Variants in INVS observed in about 807,000 individuals in gnomAD.
INVS encodes the protein inversin, also known as inversion of embryo turning homolog.
INVS carries 86 observed loss-of-function variants against 108.8 expected under a neutral mutation model. The observed-to-expected ratio is 0.79, with a 90% CI of 0.66 to 0.95. INVS has a LOEUF of 0.95. Ranked by LOEUF, INVS falls within the 40% of genes least tolerant of loss-of-function variation. The probability of loss-of-function intolerance (pLI) is 0.00; values close to 1 mark genes in which losing one functional copy is unlikely to be tolerated. For missense variants in INVS, 1,169 were observed against 1,297.4 expected, an observed-to-expected ratio of 0.90 and a Z score of 1.52; for synonymous variants, 455 against 473.5, an observed-to-expected ratio of 0.96 and a Z score of 0.51.
chr9:100,202,480 G>A (rs1830560231), intron 3 of INVS, among the ~76,000 whole-genome samples: 1 of 152,166 alleles, frequency 6.6e-6, no homozygotes, highest in Non-Finnish European at 1.5e-5. Context: ...TTACAGAAGA[G>A]AATGATAGAG....
At chr9:100,221,589 C>T (rs899651616) in intron 3 of INVS, among the ~76,000 whole-genome samples, 3 of 105,490 alleles carry the variant, frequency 2.8e-5, no homozygotes, top group African/African-American at 6.4e-5. Flanking sequence ...AGATGCTGGC[C>T]TCCTCCCCAA....
In INVS at chr9:100,302,083, C is replaced by CTTCT. The variant is rs1049983400; in HGVS notation, c.*1412_*1415dup. Reference sequence around the variant, plus strand: ...AGTGCAAAGAAAGAAGGTTCGTAAACTTCTTTAAAAGTTCAGCTTTAATGA... The same window carrying CTTCT: ...AGTGCAAAGAAAGAAGGTTCGTAAACTTCTTTCTTTAAAAGTTCAGCTTTAATGA... On this transcript the variant is annotated 3_prime_UTR_variant, in exon 17 of 17. Coordinates refer to ENST00000262457, the MANE Select transcript of INVS (RefSeq NM_014425.5). The CTTCT allele has an allele frequency of 7.7e-6, 5 of 652,732 alleles. No homozygotes were observed. Among genetic ancestry groups the CTTCT allele is most frequent in the African/African-American group, 7.2e-5 (4 of 55,592 alleles). 40.4% of individuals were successfully genotyped at this position (652,732 alleles called of 1,614,324 possible). A position where few individuals can be genotyped will look rare whatever the true frequency, so the allele number is the denominator to read the frequency against.
At chr9:100,132,874 G>A (rs1033764724) in intron 3 of INVS, among the ~76,000 whole-genome samples, 1 of 152,142 alleles carries the variant, frequency 6.6e-6, no homozygotes, top group Admixed American at 6.5e-5. Context: ...GGAGGATGAG[G>A]CAGGAGGATC....
chr9:100,185,729 A>G, intron 3 of INVS, among the ~76,000 whole-genome samples: 1 of 151,680 alleles, frequency 6.6e-6, no homozygotes, highest in East Asian at 1.9e-4. Flanking sequence ...TGAGTCCCCA[A>G]AGTACATTAT....
intron 11 of INVS, among the ~76,000 whole-genome samples, chr9:100,271,250 A>G (rs1464948623): frequency 6.6e-6 from 1 of 152,222 alleles, no homozygotes; most frequent in Admixed American, 6.5e-5. Flanking sequence ...AACATGCCAT[A>G]ATAACTCCTG....
In INVS at chr9:100,227,716, C is replaced by T. The variant is rs189009766; in HGVS notation, c.447+1481C>T. Among the ~76,000 whole-genome samples the T allele has an allele frequency of 4.5e-3, 658 of 145,476 alleles. 3 individuals carry two copies. The highest frequency in any genetic ancestry group is 0.017 in the African/African-American group (632 of 37,640). On this transcript the variant is annotated intron_variant, in intron 4 of 16. Transcript: ENST00000262457. Reference sequence around the variant, plus strand: ...AAGCCTGATTAAAAAAAAAAAAAATCACAGACTGTGCAAAAACCACAGCCT... The same window carrying T: ...AAGCCTGATTAAAAAAAAAAAAAATTACAGACTGTGCAAAAACCACAGCCT...
At chr9:100,227,645 C>A (rs1831373717) in intron 4 of INVS, among the ~76,000 whole-genome samples, 1 of 151,762 alleles carries the variant, frequency 6.6e-6, no homozygotes, top group Admixed American at 6.6e-5. Flanking sequence ...ACAACAAAAC[C>A]TGACAGAGCC....
chr9:100,146,133 AAG>A (rs1491009602), intron 3 of INVS, among the ~76,000 whole-genome samples: 83 of 152,218 alleles, frequency 5.5e-4, no homozygotes, highest in Non-Finnish European at 1.0e-3. Context: ...CATCTGTGTA[AAG>A]AGACCAACAA....
Position 100,296,983 on chromosome 9 carries a change from C to A in INVS, c.2853C>A (p.Asp951Glu), listed in dbSNP as rs1833809987. Residue 951 changes from aspartate (D) to glutamate (E), a missense_variant, in exon 15 of 17, where the codon GAC becomes GAA. By Grantham distance (45) the Asp-to-Glu change is conservative. Transcript: ENST00000262457. ...HMKQLGAGDV[D>E]RWRQESTALL... ...AGCAGCTTGGAGCTGGAGATGTGGA[C>A]AGATGGAGGCAAGAGTCTACAGCAT... is the stretch of plus-strand genomic sequence containing the variant. The A allele has an allele frequency of 6.2e-7, 1 of 1,614,036 alleles. No individual in the cohort carries two copies.
chr9:100,279,499 A>G (rs901052217), intron 12 of INVS, among the ~76,000 whole-genome samples: 15 of 152,236 alleles, frequency 9.9e-5, no homozygotes, highest in Non-Finnish European at 2.2e-4. Flanking sequence ...CCAAGCCACC[A>G]TTATCAATTC....
intron 3 of INVS, among the ~76,000 whole-genome samples, chr9:100,165,222 C>T (rs1303451070): frequency 1.3e-5 from 2 of 151,900 alleles, no homozygotes; most frequent in Admixed American, 6.6e-5. Flanking sequence ...TATTTATCAC[C>T]TCAAGCATTT....
In INVS at chr9:100,287,351, C is replaced by T. The variant is rs111579140; in HGVS notation, c.2068+2748C>T. On this transcript the variant is annotated intron_variant, in intron 13 of 16. Transcript: ENST00000262457. ...ACATTATATTGATCAAAGCAAGTTA[C>T]GAGACCATCCCAGACCAAATGATGT... Among the ~76,000 whole-genome samples the T allele has an allele frequency of 5.3e-3, 809 of 152,294 alleles. 9 individuals are homozygous for T. Among genetic ancestry groups the T allele is most frequent in the African/African-American group, 0.018 (739 of 41,570 alleles).
At chr9:100,294,009 A>G (rs1833709728) in intron 14 of INVS, among the ~76,000 whole-genome samples, 1 of 152,108 alleles carries the variant, frequency 6.6e-6, no homozygotes, top group Non-Finnish European at 1.5e-5. Flanking sequence ...CTCTACAAAA[A>G]GTACAACAAT....
At chr9:100,267,742 T>A (rs975807073) in intron 11 of INVS, among the ~76,000 whole-genome samples, 3 of 152,260 alleles carry the variant, frequency 2.0e-5, no homozygotes, top group Admixed American at 2.0e-4. Context: ...CAATGTGTTT[T>A]ATGATCACAC....
At chr9:100,285,487 C>T (rs1833412087) in intron 13 of INVS, among the ~76,000 whole-genome samples, 1 of 152,148 alleles carries the variant, frequency 6.6e-6, no homozygotes, top group Admixed American at 6.5e-5. Context: ...AGACTACCAC[C>T]AGGTTTGGTG....
chr9:100,284,303 T>C lies in INVS; in HGVS notation c.1785-17T>C. 2 of 1,613,180 alleles carry C rather than the reference T, an allele frequency of 1.2e-6. No individual in the cohort carries two copies. Among genetic ancestry groups the C allele is most frequent in the Non-Finnish European group, 1.7e-6 (2 of 1,180,028 alleles). On this transcript the variant is annotated splice_polypyrimidine_tract_variant and intron_variant, in intron 12 of 16. Coordinates refer to ENST00000262457, the MANE Select transcript of INVS (RefSeq NM_014425.5). ...CTCTTTAAATTTTTTCATCTTCTTC[T>C]TTGGCTTTGCTTCCAGAAAGCGAGA...
chr9:100,155,951 A>G (rs1466842200), intron 3 of INVS, among the ~76,000 whole-genome samples: 1 of 152,242 alleles, frequency 6.6e-6, no homozygotes, highest in African/African-American at 2.4e-5. Context: ...GAAAAAGCCT[A>G]GAAGTAATGA....
In INVS at chr9:100,177,038, C is replaced by T. The variant is rs56967843; in HGVS notation, c.274-49024C>T. On this transcript the variant is annotated intron_variant, in intron 3 of 16. Coordinates refer to ENST00000262457, the MANE Select transcript of INVS (RefSeq NM_014425.5). ...GCCAAAGAAAAAGACATGATGATGC[C>T]CTAACCAAGGGAAACCGTGAGGCAC... 6.5e-3 allele frequency among the ~76,000 whole-genome samples: 991 copies of T among 151,956 alleles called. 9 individuals carry two copies. Among genetic ancestry groups the T allele is most frequent in the African/African-American group, 0.023 (957 of 41,452 alleles).
At chr9:100,266,056 T>C (rs1207855799) in intron 11 of INVS, among the ~76,000 whole-genome samples, 1 of 151,966 alleles carries the variant, frequency 6.6e-6, no homozygotes, top group African/African-American at 2.4e-5. Flanking sequence ...CTCCAGCCTC[T>C]GCAACAGAGT....
Sources: allele counts gnomAD v4.1 joint callset (sites outside exome capture counted in the v4.1 genomes callset), GRCh38; gene constraint gnomAD v4.1.1; transcripts MANE v1.5; gene names NCBI Gene and HGNC (gene_info 2026-07-23, HGNC 2026-07-21).